Variants in NUAK2 observed in about 807,000 individuals in gnomAD.
The protein encoded by NUAK2 is NUAK family kinase 2.
NUAK2 carries 20 observed loss-of-function variants against 29.8 expected under a neutral mutation model. The observed-to-expected ratio is 0.67, with a 90% CI of 0.47 to 0.98. The LOEUF is 0.98. NUAK2 is among the 50% of genes least tolerant of loss of function. The probability of loss-of-function intolerance (pLI) is 0.00; values close to 1 mark genes in which losing one functional copy is unlikely to be tolerated. For synonymous variants in NUAK2, 331 were observed against 342.6 expected (o/e 0.97, Z 0.37); for missense variants, 719 against 834.5 (o/e 0.86, Z 1.71).
At position 205,310,481 on chromosome 1, in the gene NUAK2, T is replaced by A. The variant is rs151054619; in HGVS notation, c.352+1224A>T. Among the ~76,000 whole-genome samples the A allele has an allele frequency of 2.0e-5, 3 of 152,318 alleles. No homozygotes were observed. The East Asian group carries it at 5.8e-4, about 29-fold the overall frequency. The stretch of plus-strand genomic sequence containing the variant: ...ACACACAGTAACTATGATGTTCTTA[T>A]GTCTGTTGAATCTGAAGGTGCCAGA... On this transcript the variant is annotated intron_variant, in intron 2 of 6. Transcript: ENST00000367157.
chr1:205,304,625 C>T lies in NUAK2; in HGVS notation c.824-112G>A, dbSNP rs546277331. Reference sequence around the variant, plus strand: ...GCTATGACACTGCATACTCCTGGGTCGGATGCGTCCCTTCCAACCTAGGGC... The same window carrying T: ...GCTATGACACTGCATACTCCTGGGTTGGATGCGTCCCTTCCAACCTAGGGC... On this transcript the variant is annotated intron_variant, in intron 6 of 6. Coordinates refer to ENST00000367157, the MANE Select transcript of NUAK2 (RefSeq NM_030952.3). The surrounding 1 kb of genome is among the most constrained non-coding windows in gnomAD (Gnocchi z 6.5). The T allele has an allele frequency of 5.0e-5, 47 of 931,580 alleles. No homozygotes were observed. The highest frequency in any genetic ancestry group is 6.9e-4 in the Middle Eastern group (2 of 2,878). The allele number at this position is 931,580 out of a possible 1,614,324, so 57.7% of individuals were successfully genotyped here. A position where few individuals can be genotyped will look rare whatever the true frequency, so the allele number is the denominator to read the frequency against.
At chr1:205,313,965 C>T (rs796459940) in intron 1 of NUAK2, among the ~76,000 whole-genome samples, 1 of 152,284 alleles carries the variant, frequency 6.6e-6, no homozygotes, top group African/African-American at 2.4e-5. Context: ...GGTTTGCGTC[C>T]CCTCAAGATT....
At position 205,303,484 on chromosome 1, in the gene NUAK2, C is replaced by A. The variant is rs141288763; in HGVS notation, c.1853G>T (p.Arg618Leu). The A allele has an allele frequency of 6.2e-7, 1 of 1,604,560 alleles. No homozygotes were observed. The highest frequency in any genetic ancestry group is 2.2e-5 in the East Asian group (1 of 44,814). ...TDCQEVTATY[R>L]QALRVCSKLT ...CTTTGAGCAGACCCTCAGTGCCTGT[C>A]GGTAGGTCGCTGTCACCTCCTGGCA... Residue 618 changes from arginine to leucine, a missense_variant, in exon 7 of 7, where the codon CGA becomes CTA. Arg to Leu is a moderately radical substitution (Grantham distance 102). Around this residue, in one of 3 missense-constraint regions of NUAK2, gnomAD observed 430 missense variants for 465.7 expected, o/e 0.92. Coordinates refer to ENST00000367157, the MANE Select transcript of NUAK2 (RefSeq NM_030952.3).
At chr1:205,306,365 G>A (rs1662180453) in intron 4 of NUAK2, 58 bp from the exon 5 acceptor site, 1 of 1,556,590 alleles carries the variant, frequency 6.4e-7, no homozygotes, top group African/African-American at 1.4e-5. Flanking sequence ...TTTTTCTGCA[G>A]CTCTTGGCCC....
chr1:205,319,073 T>C (rs1216452517), intron 1 of NUAK2, among the ~76,000 whole-genome samples: 1 of 147,554 alleles, frequency 6.8e-6, no homozygotes, highest in Admixed American at 6.7e-5. Flanking sequence ...ACTAGGTCTC[T>C]CTCGATTCAC....
rs772726785 is a variant in NUAK2, at chr1:205,321,652, C to T, written c.-24G>A. ...ATGGCGAGCAGGAGGTGAGCAAGGG[C>T]GGCAGGGGAATCAGTAGGCTGTGCG... On this transcript the variant is annotated 5_prime_UTR_variant, in exon 1 of 7. Transcript: ENST00000367157. 2.5e-6 allele frequency: 4 copies of T among 1,592,292 alleles called. No individual in the cohort carries two copies. Among genetic ancestry groups the T allele is most frequent in the Non-Finnish European group, 1.7e-6 (2 of 1,171,658 alleles).
At chr1:205,317,187 G>A (rs189602344) in intron 1 of NUAK2, among the ~76,000 whole-genome samples, 1 of 152,330 alleles carries the variant, frequency 6.6e-6, no homozygotes, top group Non-Finnish European at 1.5e-5. Context: ...CTCCCTCCCA[G>A]GGACTCAGAT....
chr1:205,316,500 A>C (rs188381228), intron 1 of NUAK2, among the ~76,000 whole-genome samples: 1 of 152,290 alleles, frequency 6.6e-6, no homozygotes, highest in African/African-American at 2.4e-5. Flanking sequence ...CCTCTGGGAG[A>C]AAAACTGCTT....
Position 205,308,249 on chromosome 1 carries a change from A to G in NUAK2, c.505-19T>C. On this transcript the variant is annotated intron_variant, in intron 3 of 6. Coordinates refer to ENST00000367157, the MANE Select transcript of NUAK2 (RefSeq NM_030952.3). This position sits in a 1 kb window ranked among gnomAD's most constrained non-coding sequence, Gnocchi z 4.1. ...CTCTGTTCTGAAAGAAGGAGAGGGC[A>G]GTCACGGGAAGGTCACCAGGGAAGG... is the stretch of plus-strand genomic sequence containing the variant. 1 of 1,573,504 alleles carries G rather than the reference A, an allele frequency of 6.4e-7. No individual in the cohort carries two copies. Among genetic ancestry groups the G allele is most frequent in the Non-Finnish European group, 8.6e-7 (1 of 1,156,690 alleles).
chr1:205,304,564 C>T lies in NUAK2; in HGVS notation c.824-51G>A, dbSNP rs773396184. 4 of 1,391,386 alleles carry T rather than the reference C, an allele frequency of 2.9e-6. No individual in the cohort carries two copies. In the Admixed American group the frequency reaches 1.1e-4, roughly 38 times the overall value. The allele number at this position is 1,391,386 out of a possible 1,614,324, so 86.2% of individuals were successfully genotyped here. A position where few individuals can be genotyped will look rare whatever the true frequency, so the allele number is the denominator to read the frequency against. ...AGTTTGGCAGCTCCCAGAATAGGCA[C>T]TCCCTGTCCCCTGTCCCCAGCTCAT... On this transcript the variant is annotated intron_variant, in intron 6 of 6. Transcript: ENST00000367157. This position sits in a 1 kb window ranked among gnomAD's most constrained non-coding sequence, Gnocchi z 6.5.
At chr1:205,312,328 T>C (rs532869866) in intron 1 of NUAK2, among the ~76,000 whole-genome samples, 2 of 152,286 alleles carry the variant, frequency 1.3e-5, no homozygotes, top group African/African-American at 4.8e-5. Context: ...GTGAAGAAAC[T>C]GGGACCCAGA....
chr1:205,321,505 G>T lies in NUAK2; in HGVS notation c.124C>A (p.Arg42=). 1.9e-6 allele frequency: 3 copies of T among 1,613,970 alleles called. No homozygotes were observed. The highest frequency in any genetic ancestry group is 2.5e-6 in the Non-Finnish European group (3 of 1,179,892). ...CGCAGGTTGTGCTTGTGGTGGTGCC[G>T]CTTCACCGCCTGCTTCTTCATTAGG... The part of the protein sequence containing the change: ...KPLMKKQAVK[R]HHHKHNLRHR... The change falls in exon 1 of 7, where the codon CGG becomes AGG. Residue 42 remains arginine (R), a synonymous_variant. Coordinates refer to ENST00000367157, the MANE Select transcript of NUAK2 (RefSeq NM_030952.3).
Position 205,308,332 on chromosome 1 carries a change from G to T in NUAK2, c.505-102C>A. On this transcript the variant is annotated intron_variant, in intron 3 of 6. Coordinates refer to ENST00000367157, the MANE Select transcript of NUAK2 (RefSeq NM_030952.3). The surrounding 1 kb of genome is among the most constrained non-coding windows in gnomAD (Gnocchi z 4.1). ...GGTAAACACAAAGGGAGCCAAGTGGGCTTGAGCACAGGTAGGCTGGGAATG... is the reference window on the plus strand; with the variant it reads ...GGTAAACACAAAGGGAGCCAAGTGGTCTTGAGCACAGGTAGGCTGGGAATG... 1 of 922,590 alleles carries T rather than the reference G, an allele frequency of 1.1e-6. No homozygotes were observed. Among genetic ancestry groups the T allele is most frequent in the Non-Finnish European group, 1.7e-6 (1 of 597,232 alleles). 57.2% of individuals were successfully genotyped at this position (922,590 alleles called of 1,614,324 possible).
chr1:205,303,913 C>A lies in NUAK2; in HGVS notation c.1424G>T (p.Gly475Val), dbSNP rs759313540. 13 of 1,613,938 alleles carry A rather than the reference C, an allele frequency of 8.1e-6. No homozygotes were observed. The African/African-American group carries it at 1.2e-4, about 15-fold the overall frequency. Residue 475 changes from glycine to valine, a missense_variant, in exon 7 of 7, where the codon GGC becomes GTC. By Grantham distance (109) the Gly-to-Val change is moderately radical. Coordinates refer to ENST00000367157, the MANE Select transcript of NUAK2 (RefSeq NM_030952.3). ...GGGATCCCCACTCACAAACACGTCG[C>A]CTGCGTCCAAGAGCTCCCCAGATTC... The part of the protein sequence containing the change: ...PSESGELLDA[G>V]DVFVSGDPKE...
chr1:205,321,362 A>T (rs763367974), intron 1 of NUAK2, 36 bp downstream of exon 1: 1 of 1,567,660 alleles, frequency 6.4e-7, no homozygotes, highest in South Asian at 1.2e-5. Context: ...GCCAAGCCGG[A>T]GCCCGCCCCG....
chr1:205,303,652 C>A lies in NUAK2; in HGVS notation c.1685G>T (p.Arg562Leu), dbSNP rs142942069. The change falls in exon 7 of 7, where the codon CGG (arginine) becomes CTG (leucine). Residue 562 changes from arginine to leucine, a missense_variant. By Grantham distance (102) the Arg-to-Leu change is moderately radical. Coordinates refer to ENST00000367157, the MANE Select transcript of NUAK2 (RefSeq NM_030952.3). ...GCCCCGCAGTGGGGGCTCTGGGAGC[C>A]GTTCAGGCAAGTCCAGCTGGTCAAA... is the stretch of plus-strand genomic sequence containing the variant. ...ESFDQLDLPE[R>L]LPEPPLRGCV... 6.3e-7 allele frequency: 1 copy of A among 1,578,332 alleles called. No individual in the cohort carries two copies. Among genetic ancestry groups the A allele is most frequent in the Non-Finnish European group, 8.6e-7 (1 of 1,163,200 alleles).
chr1:205,304,482 C>G lies in NUAK2; in HGVS notation c.855G>C (p.Met285Ile), dbSNP rs1370005952. ...GGGTGGCCCGGCGGGTGGGGTTCAC[C>G]ATCAACAGCCACCGGATCAGGCCAC... ...DACGLIRWLLMVNPTRRATLE... is the reference protein window; with the variant it reads ...DACGLIRWLLIVNPTRRATLE... Residue 285 changes from methionine (M) to isoleucine (I), a missense_variant, in exon 7 of 7, where the codon ATG becomes ATC. This residue lies in a region of NUAK2 where 430 missense variants were observed against 465.7 expected (regional missense o/e 0.92). Transcript: ENST00000367157. The surrounding 1 kb of genome is among the most constrained non-coding windows in gnomAD (Gnocchi z 6.5). 1.3e-6 allele frequency: 2 copies of G among 1,519,162 alleles called. No homozygotes were observed. Among genetic ancestry groups the G allele is most frequent in the East Asian group, 4.6e-5 (2 of 43,888 alleles). 94.1% of individuals were successfully genotyped at this position (1,519,162 alleles called of 1,614,324 possible).
At chr1:205,319,354 T>C (rs191183525) in intron 1 of NUAK2, among the ~76,000 whole-genome samples, 6 of 152,308 alleles carry the variant, frequency 3.9e-5, no homozygotes, top group Non-Finnish European at 8.8e-5. Context: ...CTAAATCCAC[T>C]TAAGTTTGAA....
Position 205,321,529 on chromosome 1 carries a change from G to C in NUAK2, c.100C>G (p.Leu34Val), listed in dbSNP as rs369894001. The C allele has an allele frequency of 2.5e-6, 4 of 1,613,870 alleles. No individual in the cohort carries two copies. The highest frequency in any genetic ancestry group is 1.3e-5 in the African/African-American group (1 of 74,934). The change falls in exon 1 of 7, where the codon CTA becomes GTA. Residue 34 changes from leucine to valine, a missense_variant. Leu to Val is a conservative substitution (Grantham distance 32). Around this residue, in one of 3 missense-constraint regions of NUAK2, gnomAD observed 283 missense variants for 345.6 expected, o/e 0.82. Transcript: ENST00000367157. ...CGCTTCACCGCCTGCTTCTTCATTA[G>C]GGGCTTGGGCGACTTGATCAGCCCT... The part of the protein sequence containing the change: ...AEGLIKSPKP[L>V]MKKQAVKRHH...
Sources: gnomAD v4.1 joint callset for allele counts (sites outside exome capture counted in the v4.1 genomes callset) on GRCh38, gnomAD v4.1.1 for gene constraint, gnomAD v4.1.1 regional missense constraint, Gnocchi (gnomAD v3.1) non-coding constraint, MANE v1.5 for transcripts, NCBI Gene and HGNC (gene_info 2026-07-23, HGNC 2026-07-21) for gene names.